Variants in ERBB4 observed in about 807,000 individuals in gnomAD.
ERBB4 encodes receptor tyrosine-protein kinase erbB-4.
A neutral mutation model predicts 158.0 loss-of-function variants in ERBB4; 42 were observed. The ratio of observed to expected loss-of-function variants is 0.27; its 90% CI spans 0.21 to 0.34. The LOEUF (loss-of-function observed/expected upper bound fraction) is 0.34, where lower values mean the gene tolerates loss of function less well. ERBB4 is among the 10% of genes least tolerant of loss of function. The pLI is 1.00. For synonymous variants in ERBB4, 583 were observed against 558.7 expected (o/e 1.04, Z -0.61); for missense variants, 1,333 against 1,624.1 (o/e 0.82, Z 3.08).
At chr2:212,239,587 T>C (rs1011540374) in intron 1 of ERBB4, among the ~76,000 whole-genome samples, 1 of 152,318 alleles carries the variant, frequency 6.6e-6, no homozygotes, top group African/African-American at 2.4e-5. Flanking sequence ...CCAGTCCCAC[T>C]GCTACTTATT....
At chr2:211,953,249 G>A (rs920724803) in intron 2 of ERBB4, among the ~76,000 whole-genome samples, 6 of 151,926 alleles carry the variant, frequency 3.9e-5, no homozygotes, top group Admixed American at 6.6e-5. Context: ...CAATGCCCTA[G>A]GGGAGGGATA....
rs76497728 is a variant in ERBB4 at position 212,127,682 on chromosome 2, T to A, written c.83-2779A>T. ...ACGTGCAACCCAAGACAATTCTTTTTTCGATGTGGACCAGGGAAGCCAAAG... is the reference window on the plus strand; with the variant it reads ...ACGTGCAACCCAAGACAATTCTTTTATCGATGTGGACCAGGGAAGCCAAAG... On this transcript the variant is annotated intron_variant, in intron 1 of 27. Transcript: ENST00000342788. Among the ~76,000 whole-genome samples the A allele has an allele frequency of 9.7e-3, 1,480 of 152,294 alleles. 15 individuals carry two copies. Among genetic ancestry groups the A allele is most frequent in the African/African-American group, 0.034 (1,403 of 41,550 alleles).
chr2:212,270,382 C>T (rs1026258434), intron 1 of ERBB4, among the ~76,000 whole-genome samples: 1 of 151,750 alleles, frequency 6.6e-6, no homozygotes, highest in African/African-American at 2.4e-5. Flanking sequence ...CAAGTTCTTC[C>T]TATGGCTTGT....
intron 17 of ERBB4, among the ~76,000 whole-genome samples, chr2:211,628,279 T>G (rs963205424): frequency 2.0e-5 from 3 of 152,194 alleles, no homozygotes; most frequent in Non-Finnish European, 2.9e-5. Flanking sequence ...TAACTCATCA[T>G]TTAACATTAG....
At chr2:211,496,240 G>C (rs2065465634) in intron 20 of ERBB4, among the ~76,000 whole-genome samples, 1 of 151,686 alleles carries the variant, frequency 6.6e-6, no homozygotes, top group African/African-American at 2.4e-5. Flanking sequence ...ACTGTTTCTA[G>C]GTTTTAAGTA....
intron 2 of ERBB4, among the ~76,000 whole-genome samples, chr2:211,953,008 A>G (rs2080918763): frequency 6.6e-6 from 1 of 152,070 alleles, no homozygotes; most frequent in African/African-American, 2.4e-5. Flanking sequence ...ATGGTTCCTT[A>G]TACTTTATGT....
intron 3 of ERBB4, among the ~76,000 whole-genome samples, chr2:211,876,362 T>C (rs148021406): frequency 0.018 from 2,741 of 152,262 alleles, 58 homozygotes; most frequent in African/African-American, 0.05. Context: ...ACTTAAAGAA[T>C]GGCAAGACAG....
chr2:212,177,197 A>G (rs2125682859), intron 1 of ERBB4, among the ~76,000 whole-genome samples: 1 of 151,902 alleles, frequency 6.6e-6, no homozygotes, highest in East Asian at 1.9e-4. Flanking sequence ...AGGTAAAAAA[A>G]TGTAAATAAG....
intron 3 of ERBB4, among the ~76,000 whole-genome samples, chr2:211,839,506 T>C (rs1010324607): frequency 3.9e-5 from 6 of 152,110 alleles, no homozygotes; most frequent in Admixed American, 1.3e-4. Context: ...TAGGTTTTTT[T>C]CTCAGGTGCA....
At chr2:211,522,254 G>T (rs2066207613) in intron 20 of ERBB4, among the ~76,000 whole-genome samples, 1 of 152,128 alleles carries the variant, frequency 6.6e-6, no homozygotes, top group Non-Finnish European at 1.5e-5. Flanking sequence ...GACTTTGGAA[G>T]AAATTGATTC....
intron 1 of ERBB4, among the ~76,000 whole-genome samples, chr2:212,324,413 C>T (rs1313693201): frequency 1.3e-5 from 2 of 150,066 alleles, no homozygotes; most frequent in Non-Finnish European, 3.0e-5. Context: ...TTATTTAACC[C>T]AATCATTGTG....
At chr2:211,580,814 T>TATATATATA (rs2068057092) in intron 19 of ERBB4, among the ~76,000 whole-genome samples, 1 of 51,078 alleles carries the variant, frequency 2.0e-5, no homozygotes, top group African/African-American at 7.0e-5. Flanking sequence ...ATATATATAA[T>TATATATATA]ATATATATAT....
intron 3 of ERBB4, among the ~76,000 whole-genome samples, chr2:211,826,720 A>C (rs1310445817): frequency 6.6e-6 from 1 of 152,022 alleles, no homozygotes; most frequent in African/African-American, 2.4e-5. Context: ...CTACCCTGAT[A>C]GCCACAAAAG....
At chr2:212,490,537 A>G (rs1690218134) in intron 1 of ERBB4, among the ~76,000 whole-genome samples, 1 of 151,846 alleles carries the variant, frequency 6.6e-6, no homozygotes, top group African/African-American at 2.4e-5. Context: ...AGTCCTCACT[A>G]TTTAATGACA....
chr2:211,719,075 T>C (rs865949449), intron 7 of ERBB4, among the ~76,000 whole-genome samples: 4 of 152,192 alleles, frequency 2.6e-5, no homozygotes, highest in Admixed American at 1.3e-4. Flanking sequence ...TCTTTTTGAT[T>C]TTATAAACTC....
chr2:212,511,567 C>T (rs948126166), intron 1 of ERBB4, among the ~76,000 whole-genome samples: 1 of 152,094 alleles, frequency 6.6e-6, no homozygotes, highest in African/African-American at 2.4e-5. Context: ...TTTATTTTCA[C>T]GTCTCTTTCA....
At chr2:211,990,521 TAAAAATAAATAA>T (rs1195767525) in intron 2 of ERBB4, among the ~76,000 whole-genome samples, 7 of 113,160 alleles carry the variant, frequency 6.2e-5, no homozygotes, top group East Asian at 3.2e-4. Flanking sequence ...AAAATAAAAA[TAAAAATAAATAA>T]ATAAATAAAT....
intron 2 of ERBB4, among the ~76,000 whole-genome samples, chr2:212,031,600 A>G (rs1033327496): frequency 3.9e-5 from 6 of 152,172 alleles, no homozygotes; most frequent in Non-Finnish European, 5.9e-5. Context: ...AGTTGATGAT[A>G]GAATGACCAG....
chr2:211,442,754 T>C (rs1323433695), intron 20 of ERBB4, among the ~76,000 whole-genome samples: 4 of 151,924 alleles, frequency 2.6e-5, no homozygotes, highest in Non-Finnish European at 5.9e-5. Context: ...TGAATCTCAA[T>C]AGAGCACTCA....
Sources: allele counts gnomAD v4.1 joint callset (sites outside exome capture counted in the v4.1 genomes callset), GRCh38; gene constraint gnomAD v4.1.1; transcripts MANE v1.5; gene names NCBI Gene and HGNC (gene_info 2026-07-23, HGNC 2026-07-21).